The following ACSM3 variants were observed in gnomAD, a reference collection of about 807,000 sequenced individuals.
ACSM3 encodes acyl-coenzyme A synthetase ACSM3, mitochondrial.
In ACSM3, 61 loss-of-function variants were observed where a neutral mutation model predicts 74.1. The observed-to-expected ratio is 0.82, with a 90% CI of 0.67 to 1.02. The LOEUF is 1.02. Among genes scored for constraint, ACSM3 ranks in the 50% least tolerant of loss-of-function variants. ACSM3 has a pLI of 0.00. For missense variants in ACSM3, 660 were observed against 697.0 expected, an observed-to-expected ratio of 0.95 and a Z score of 0.60; for synonymous variants, 213 against 241.5, an observed-to-expected ratio of 0.88 and a Z score of 1.09.
intron 1 of ACSM3, among the ~76,000 whole-genome samples, chr16:20,683,800 C>T (rs771224154): frequency 4.6e-5 from 7 of 151,098 alleles, no homozygotes; most frequent in Non-Finnish European, 7.4e-5. Flanking sequence ...GATCTCCTGA[C>T]CTCATGATCC....
At position 20,796,367 on chromosome 16, in the gene ACSM3, T is replaced by C; in HGVS notation, c.1555-3T>C. The C allele has an allele frequency of 1.9e-6, 3 of 1,605,406 alleles. No individual in the cohort carries two copies. Among genetic ancestry groups the C allele is most frequent in the Non-Finnish European group, 2.5e-6 (3 of 1,177,858 alleles). On this transcript the variant is annotated splice_region_variant and splice_polypyrimidine_tract_variant and intron_variant, in intron 12 of 13. Coordinates refer to ENST00000289416, the MANE Select transcript of ACSM3 (RefSeq NM_005622.4). The stretch of plus-strand genomic sequence containing the variant: ...TTCCTGGTGTTTCAAATATTTATTT[T>C]AGGTAGTAAAGGCTTTTGTCGTTCT...
intron 1 of ACSM3, among the ~76,000 whole-genome samples, chr16:20,722,446 G>A (rs762481912): frequency 2.6e-5 from 4 of 152,124 alleles, no homozygotes; most frequent in Admixed American, 1.3e-4. Context: ...AGAAGGAGGA[G>A]CTCTAAAACA....
intron 3 of ACSM3, among the ~76,000 whole-genome samples, chr16:20,756,658 G>T (rs1431937966): frequency 1.3e-5 from 2 of 152,046 alleles, no homozygotes; most frequent in African/African-American, 4.8e-5. Context: ...ATTTGTCAAT[G>T]TTGGCTTTTG....
chr16:20,714,813 A>C (rs1054696143), intron 1 of ACSM3, among the ~76,000 whole-genome samples: 1 of 152,196 alleles, frequency 6.6e-6, no homozygotes, highest in Admixed American at 6.5e-5. Flanking sequence ...CTCAGGAACA[A>C]GAGGCAAAGA....
chr16:20,763,878 T>G (rs967283140), upstream of ACSM3: 1 of 152,204 alleles, frequency 6.6e-6, no homozygotes, highest in Non-Finnish European at 1.5e-5. Context: ...TGTAAATCAT[T>G]ACCTGTAAGA....
chr16:20,705,512 A>G (rs2079724749), intron 1 of ACSM3, among the ~76,000 whole-genome samples: 2 of 152,144 alleles, frequency 1.3e-5, no homozygotes, highest in Non-Finnish European at 2.9e-5. Context: ...AGAGAGAGAG[A>G]GAAGAGGAGC....
intron 1 of ACSM3, among the ~76,000 whole-genome samples, chr16:20,715,100 A>G (rs1006956249): frequency 6.6e-5 from 10 of 152,170 alleles, no homozygotes; most frequent in Admixed American, 3.3e-4. Flanking sequence ...CTGGATTGAG[A>G]AGTATTTAAA....
chr16:20,791,973 A>G (rs777583823), intron 10 of ACSM3, 29 bp from the exon 11 acceptor site: 4 of 1,611,516 alleles, frequency 2.5e-6, no homozygotes, highest in Non-Finnish European at 2.5e-6. Flanking sequence ...TGGATTCACC[A>G]TAACAACAAA....
chr16:20,791,729 C>T (rs550956998), intron 10 of ACSM3, among the ~76,000 whole-genome samples: 3 of 152,194 alleles, frequency 2.0e-5, no homozygotes, highest in East Asian at 3.9e-4. Context: ...GAGCTCGACA[C>T]CAGCCTGGCC....
intron 1 of ACSM3, among the ~76,000 whole-genome samples, chr16:20,740,150 T>C (rs982014711): frequency 2.0e-5 from 3 of 152,184 alleles, no homozygotes; most frequent in Non-Finnish European, 2.9e-5. Context: ...CCCAGTACTT[T>C]AGGGGGCAGA....
Position 20,741,481 on chromosome 16 carries a change from G to GCCCCCCCCCCCCC in ACSM3, c.-189-8426_-189-8425insCCCCCCCCCCCCC. ...CTCCTCCCGCAAGGCCTGGCAGCCG[G>GCCCCCCCCCCCCC]CCCGCCCGCCCACCCCGGGACCGGT... On this transcript the variant is annotated intron_variant, in intron 1 of 3. Transcript: ENST00000561584. 18 of 1,308,414 alleles carry GCCCCCCCCCCCCC rather than the reference G, an allele frequency of 1.4e-5. 1 individual carries two copies. Among genetic ancestry groups the GCCCCCCCCCCCCC allele is most frequent in the South Asian group, 8.9e-5 (5 of 56,252 alleles). The allele number at this position is 1,308,414 out of a possible 1,614,324, so 81.1% of individuals were successfully genotyped here. A position where few individuals can be genotyped will look rare whatever the true frequency, so the allele number is the denominator to read the frequency against.
intron 1 of ACSM3, among the ~76,000 whole-genome samples, chr16:20,714,786 G>A (rs2079755397): frequency 6.6e-6 from 1 of 152,162 alleles, no homozygotes; most frequent in African/African-American, 2.4e-5. Flanking sequence ...TGTCTAGCAG[G>A]TGGTGGATAT....
chr16:20,711,905 A>G (rs939143391), intron 1 of ACSM3, among the ~76,000 whole-genome samples: 1 of 152,084 alleles, frequency 6.6e-6, no homozygotes, highest in Non-Finnish European at 1.5e-5. Flanking sequence ...CCTGCATTAT[A>G]TGGCTCTTGC....
intron 1 of ACSM3, among the ~76,000 whole-genome samples, chr16:20,705,131 G>A (rs2152364478): frequency 6.6e-6 from 1 of 152,292 alleles, no homozygotes; most frequent in East Asian, 1.9e-4. Context: ...CCAGCACTTT[G>A]GGAGGCCGAG....
In ACSM3 at chr16:20,708,370, T is replaced by C. The variant is rs559121460; in HGVS notation, c.-190+33548T>C. Among the ~76,000 whole-genome samples, 386 of 152,302 alleles carry C rather than the reference T, an allele frequency of 2.5e-3. 1 individual carries two copies. Among genetic ancestry groups the C allele is most frequent in the African/African-American group, 8.9e-3 (370 of 41,560 alleles). On this transcript the variant is annotated intron_variant, in intron 1 of 3. Coordinates refer to the ACSM3 transcript ENST00000561584. ...CACAATTATTTTTTAATGGAATCTT[T>C]AGAATTTTTCTACTTATAAGATCCT...
Position 20,770,045 on chromosome 16 carries a change from G to A in ACSM3, c.11G>A (p.Arg4His), listed in dbSNP as rs773261352. Reference protein sequence around the residue: MLARVTRKMLRHAK... With the variant: MLAHVTRKMLRHAK... ...CTTCCAACAAGACTGATGCTAGCTCGTGTCACCAGGAAGATGCTACGTCAT... is the reference window on the plus strand; with the variant it reads ...CTTCCAACAAGACTGATGCTAGCTCATGTCACCAGGAAGATGCTACGTCAT... The change falls in exon 2 of 14, where the codon CGT becomes CAT. Residue 4 changes from arginine (R) to histidine (H), a missense_variant. Physicochemically the swap from Arg to His is conservative, Grantham distance 29. Coordinates refer to ENST00000289416, the MANE Select transcript of ACSM3 (RefSeq NM_005622.4). The A allele has an allele frequency of 1.5e-5, 25 of 1,614,136 alleles. No individual in the cohort carries two copies. The highest frequency in any genetic ancestry group is 2.2e-5 in the East Asian group (1 of 44,890).
intron 1 of ACSM3, among the ~76,000 whole-genome samples, chr16:20,723,646 AT>A (rs1172305717): frequency 5.3e-5 from 8 of 152,124 alleles, no homozygotes; most frequent in African/African-American, 1.9e-4. Context: ...GATGATGAGC[AT>A]TTTTTCATGT....
intron 1 of ACSM3, chr16:20,738,074 T>G: frequency 1.0e-6 from 1 of 975,660 alleles, no homozygotes; most frequent in East Asian, 2.4e-5. Flanking sequence ...ATAATGAATT[T>G]TAAATGAATC....
chr16:20,744,992 T>C (rs1414471038), intron 1 of ACSM3, among the ~76,000 whole-genome samples: 1 of 152,236 alleles, frequency 6.6e-6, no homozygotes, highest in East Asian at 1.9e-4. Flanking sequence ...TATGCAACCC[T>C]GTAGCTCTCA....
Sources: gnomAD v4.1 joint callset for allele counts (sites outside exome capture counted in the v4.1 genomes callset) on GRCh38, gnomAD v4.1.1 for gene constraint, MANE v1.5 for transcripts, NCBI Gene and HGNC (gene_info 2026-07-23, HGNC 2026-07-21) for gene names.